TEX15: variants seen among roughly 807,000 people sequenced by gnomAD.
TEX15 encodes the protein testis-expressed protein 15.
A neutral mutation model predicts 237.3 loss-of-function variants in TEX15; 171 were observed. The ratio of observed to expected loss-of-function variants is 0.72; its 90% CI spans 0.64 to 0.82. TEX15 has a LOEUF of 0.82. Ranked by LOEUF, TEX15 falls within the 40% of genes least tolerant of loss-of-function variation. The pLI is 0.00. For synonymous variants in TEX15, 1,338 were observed against 1,269.8 expected (o/e 1.05, Z -1.14); for missense variants, 3,750 against 3,646.5 (o/e 1.03, Z -0.73).
In TEX15 at chr8:30,844,671, T is replaced by G. The variant is rs1807551321; in HGVS notation, c.5496A>C (p.Thr1832=). ...KDNVKGSSSE[T]CIVKKDTEDR... ...CCTCAGTGTCTTTCTTCACAATACA[T>G]GTTTCTGAAGAGGAGCCTTTTACAT... The change falls in exon 8 of 11, where the codon ACA becomes ACC. Residue 1832 remains threonine (T), a synonymous_variant. Transcript: ENST00000643185. 1 of 1,613,356 alleles carries G rather than the reference T, an allele frequency of 6.2e-7. No individual in the cohort carries two copies. Among genetic ancestry groups the G allele is most frequent in the Non-Finnish European group, 8.5e-7 (1 of 1,179,588 alleles).
At chr8:30,841,976 T>G (rs762092289) in intron 8 of TEX15, 28 bp downstream of exon 8, 1 of 1,465,504 alleles carries the variant, frequency 6.8e-7, no homozygotes, top group Non-Finnish European at 9.1e-7. Flanking sequence ...AGAATACTTA[T>G]AAAAGTTTTG....
At chr8:30,889,937 A>ATATATATACATATATATATATATACG (rs1373573835) in intron 2 of TEX15, among the ~76,000 whole-genome samples, 2 of 124,316 alleles carry the variant, frequency 1.6e-5, no homozygotes, top group Admixed American at 8.4e-5. Context: ...TTATATACAT[A>ATATATATACATATATATATATATACG]TATATATATA....
chr8:30,864,717 T>G (rs547308543), intron 5 of TEX15, among the ~76,000 whole-genome samples: 1 of 150,724 alleles, frequency 6.6e-6, no homozygotes, highest in East Asian at 2.0e-4. Context: ...AGGATGCTAA[T>G]ATGATACTGT....
intron 3 of TEX15, among the ~76,000 whole-genome samples, chr8:30,881,306 G>T (rs1808515019): frequency 6.6e-6 from 1 of 151,968 alleles, no homozygotes; most frequent in African/African-American, 2.4e-5. Flanking sequence ...TATAGTTTCT[G>T]TTCTTTAAAT....
Position 30,842,489 on chromosome 8 carries a change from A to G in TEX15, c.7678T>C (p.Tyr2560His). 1 of 1,612,902 alleles carries G rather than the reference A, an allele frequency of 6.2e-7. No homozygotes were observed. The highest frequency in any genetic ancestry group is 8.5e-7 in the Non-Finnish European group (1 of 1,179,762). ...EIKKLLKKSK[Y>H]FISTYIDFVP... ...AAGTCAATATATGTGGAAATAAAAT[A>G]CTTGGACTTCTTCAGAAGCTTTTTT... The change falls in exon 8 of 11, where the codon TAT becomes CAT. Residue 2560 changes from tyrosine (Y) to histidine (H), a missense_variant. Physicochemically the swap from Tyr to His is moderately conservative, Grantham distance 83 (BLOSUM62 2). Transcript: ENST00000643185.
At position 30,846,319 on chromosome 8, in the gene TEX15, T is replaced by C; in HGVS notation, c.3848A>G (p.Lys1283Arg). 1 of 1,612,868 alleles carries C rather than the reference T, an allele frequency of 6.2e-7. No individual in the cohort carries two copies. Among genetic ancestry groups the C allele is most frequent in the Non-Finnish European group, 8.5e-7 (1 of 1,179,608 alleles). Residue 1283 changes from lysine (K) to arginine (R), a missense_variant, in exon 8 of 11, where the codon AAA becomes AGA. By Grantham distance (26) the Lys-to-Arg change is conservative. Coordinates refer to ENST00000643185, the MANE Select transcript of TEX15 (RefSeq NM_001350162.2). ...DGSRCFFTKS[K>R]TDYNDTKNKK... ...ATTTTTGGTATCATTATAGTCAGTT[T>C]TTGATTTTGTAAAGAAACATCTGCT...
At chr8:30,885,770 T>C (rs951419836) in intron 3 of TEX15, among the ~76,000 whole-genome samples, 10 of 152,206 alleles carry the variant, frequency 6.6e-5, no homozygotes, top group African/African-American at 2.4e-4. Context: ...CCTTAGTGAT[T>C]TTCTGTCTGT....
At position 30,845,281 on chromosome 8, in the gene TEX15, GA is replaced by G. The variant is rs758835606; in HGVS notation, c.4885del (p.Ser1629LeufsTer12). The G allele has an allele frequency of 6.2e-7, 1 of 1,613,146 alleles. No homozygotes were observed. Among genetic ancestry groups the G allele is most frequent in the South Asian group, 1.1e-5 (1 of 90,976 alleles). ...SLSCIKENIN[S>X]STGNDCDATC... is the part of the protein sequence containing the mutation. ...TGCATCACAATCGTTGCCTGTACTAGAATTTATGTTTTCTTTTATGCAACTT... is the reference window on the plus strand; with the variant it reads ...TGCATCACAATCGTTGCCTGTACTAGATTTATGTTTTCTTTTATGCAACTT... On this transcript the variant is annotated frameshift_variant, in exon 8 of 11. Coordinates refer to ENST00000643185, the MANE Select transcript of TEX15 (RefSeq NM_001350162.2). LOFTEE classifies it high-confidence loss of function.
At chr8:30,887,853 AT>A in intron 2 of TEX15, 1 of 147,492 alleles carries the variant, frequency 6.8e-6, no homozygotes, top group Middle Eastern at 3.6e-3. Context: ...CATTTCACAT[AT>A]ATATTTCGCA....
Position 30,845,763 on chromosome 8 carries a change from T to C in TEX15, c.4404A>G (p.Ser1468=), listed in dbSNP as rs1807587935. The C allele has an allele frequency of 1.2e-6, 2 of 1,613,160 alleles. No homozygotes were observed. Among genetic ancestry groups the C allele is most frequent in the African/African-American group, 1.3e-5 (1 of 74,900 alleles). The change falls in exon 8 of 11, where the codon TCA becomes TCG. Residue 1468 remains serine, a synonymous_variant. Coordinates refer to ENST00000643185, the MANE Select transcript of TEX15 (RefSeq NM_001350162.2). The part of the protein sequence containing the change: ...KRAPKADISK[S]LTHVSKHKSY... Reference sequence around the variant, plus strand: ...ACTTGTGCTTTGACACATGGGTTAATGATTTAGAAATATCAGCTTTTGGAG... The same window carrying C: ...ACTTGTGCTTTGACACATGGGTTAACGATTTAGAAATATCAGCTTTTGGAG...
At chr8:30,895,675 G>GTTTTTT (rs1563276129) in intron 2 of TEX15, among the ~76,000 whole-genome samples, 18 of 76,956 alleles carry the variant, frequency 2.3e-4, no homozygotes, top group African/African-American at 9.2e-4. Flanking sequence ...TTAAACACAT[G>GTTTTTT]CTTTTTTTTT....
chr8:30,900,111 G>A lies in TEX15; in HGVS notation c.-85-1294C>T, dbSNP rs560116157. Among the ~76,000 whole-genome samples, 94 of 152,266 alleles carry A rather than the reference G, an allele frequency of 6.2e-4. 2 individuals carry two copies. In the South Asian group the frequency reaches 6.6e-3, roughly 11 times the overall value. The stretch of plus-strand genomic sequence containing the variant: ...AAAGCTATTTAAAGCTGACACTGTA[G>A]ATTGGTCTTTGAAAATATTTTAGAA... On this transcript the variant is annotated intron_variant, in intron 1 of 10. Transcript: ENST00000643185.
At chr8:30,875,809 A>T (rs1339239518) in intron 3 of TEX15, among the ~76,000 whole-genome samples, 19 of 142,786 alleles carry the variant, frequency 1.3e-4, no homozygotes, top group Non-Finnish European at 2.6e-4. Context: ...CATCTGGTCA[A>T]TTTTTTTTTT....
At chr8:30,878,746 A>C (rs1166228978) in intron 3 of TEX15, among the ~76,000 whole-genome samples, 1 of 151,938 alleles carries the variant, frequency 6.6e-6, no homozygotes, top group African/African-American at 2.4e-5. Context: ...GATGGCCTTG[A>C]ACTCCTGGGC....
rs762086575 is a variant in TEX15, at chr8:30,837,213, C to CA, written c.9070dup (p.Cys3024LeufsTer2). Reference sequence around the variant, plus strand: ...CTCAGAAGAATTATATGTTGGGTTACATGCAGACTGTGGAAGTTCATTCCA... The same window carrying CA: ...CTCAGAAGAATTATATGTTGGGTTACAATGCAGACTGTGGAAGTTCATTCCA... On this transcript the variant is annotated frameshift_variant, in exon 10 of 11. Coordinates refer to ENST00000643185, the MANE Select transcript of TEX15 (RefSeq NM_001350162.2). LOFTEE classifies it high-confidence loss of function. 15 of 1,614,010 alleles carry CA rather than the reference C, an allele frequency of 9.3e-6. No homozygotes were observed. The African/African-American group carries it at 2.0e-4, about 22-fold the overall frequency.
At chr8:30,849,366 C>T in intron 7 of TEX15, 50 bp from the exon 8 acceptor site, 1 of 1,101,744 alleles carries the variant, frequency 9.1e-7, no homozygotes, top group Non-Finnish European at 1.3e-6. Flanking sequence ...TTTCTATAGA[C>T]AACTATTAAT....
chr8:30,860,981 A>C (rs1246261785), intron 5 of TEX15, among the ~76,000 whole-genome samples: 1 of 152,156 alleles, frequency 6.6e-6, no homozygotes, highest in Non-Finnish European at 1.5e-5. Context: ...AGTGACTTGC[A>C]ATTACACATA....
chr8:30,904,545 T>C (rs1809062083), intron 1 of TEX15, among the ~76,000 whole-genome samples: 1 of 151,962 alleles, frequency 6.6e-6, no homozygotes, highest in Admixed American at 6.6e-5. Flanking sequence ...AATAGCTATA[T>C]AGGTAATACA....
intron 4 of TEX15, 96 bp from the exon 5 acceptor site, chr8:30,867,598 A>AG (rs1808201371): frequency 8.5e-6 from 6 of 707,262 alleles, no homozygotes; most frequent in South Asian, 7.3e-5. Context: ...AGAAAGCAAG[A>AG]GAAGTAGCGA....
Sources: gnomAD v4.1 joint callset for allele counts (sites outside exome capture counted in the v4.1 genomes callset) on GRCh38, gnomAD v4.1.1 for gene constraint, MANE v1.5 for transcripts, NCBI Gene and HGNC (gene_info 2026-07-23, HGNC 2026-07-21) for gene names.